ZCWPW2: variants seen among roughly 807,000 people sequenced by gnomAD.
ZCWPW2 encodes zinc finger CW-type and PWWP domain containing 2.
A neutral mutation model predicts 46.6 loss-of-function variants in ZCWPW2; 45 were observed. The ratio of observed to expected loss-of-function variants is 0.96; its 90% CI spans 0.76 to 1.24. ZCWPW2 has a LOEUF of 1.24. Ranked by LOEUF, ZCWPW2 falls within the 50% of genes most tolerant of loss-of-function variation. The pLI is 0.00. For missense variants in ZCWPW2, 429 were observed against 403.9 expected, an observed-to-expected ratio of 1.06 and a Z score of -0.53; for synonymous variants, 152 against 137.1, an observed-to-expected ratio of 1.11 and a Z score of -0.76.
intron 1 of ZCWPW2, among the ~76,000 whole-genome samples, chr3:28,384,421 C>T (rs1695199884): frequency 6.6e-6 from 1 of 152,048 alleles, no homozygotes. Flanking sequence ...TCCCTGCTTT[C>T]CTGAAGCTTT....
intron 1 of ZCWPW2, 68 bp from the exon 2 acceptor site, chr3:28,390,430 T>C (rs1440406580): frequency 1.0e-6 from 1 of 955,760 alleles, no homozygotes; most frequent in South Asian, 4.8e-5. Context: ...CAAATAATTC[T>C]TTATTATTTT....
chr3:28,491,326 A>G (rs1313333383), intron 5 of ZCWPW2, among the ~76,000 whole-genome samples: 1 of 152,138 alleles, frequency 6.6e-6, no homozygotes, highest in Non-Finnish European at 1.5e-5. Flanking sequence ...TCTATATTTT[A>G]TGACAACAGT....
In ZCWPW2 at chr3:28,492,305, GTA is replaced by G. The variant is rs112592041; in HGVS notation, c.657+136_657+137del. On this transcript the variant is annotated intron_variant, in intron 6 of 9. Coordinates refer to ENST00000383768, the MANE Select transcript of ZCWPW2 (RefSeq NM_001040432.4). ...ATTTTTTCTTCTGAATGTTACTTTA[GTA>G]TATGTTTCCTTTCTTAGGTTAATAC... 18 of 749,846 alleles carry G rather than the reference GTA, an allele frequency of 2.4e-5. 1 individual carries two copies. The highest frequency in any genetic ancestry group is 1.6e-4 in the African/African-American group (9 of 54,764). The allele number at this position is 749,846 out of a possible 1,614,324, so 46.4% of individuals were successfully genotyped here.
chr3:28,413,239 A>AC lies in ZCWPW2; in HGVS notation c.171_172insC (p.Trp58LeufsTer8). On this transcript the variant is annotated frameshift_variant, in exon 3 of 10. Coordinates refer to ENST00000383768, the MANE Select transcript of ZCWPW2 (RefSeq NM_001040432.4). LOFTEE classifies it high-confidence loss of function. ...CAGCCAAGGTTGATCATGATGAACCATGGTACTGCTTCATGAACACTGATT... is the reference window on the plus strand; with the variant it reads ...CAGCCAAGGTTGATCATGATGAACCACTGGTACTGCTTCATGAACACTGATT... 1 of 1,613,404 alleles carries AC rather than the reference A, an allele frequency of 6.2e-7. No individual in the cohort carries two copies. Among genetic ancestry groups the AC allele is most frequent in the South Asian group, 1.1e-5 (1 of 91,070 alleles).
chr3:28,428,955 G>T (rs1488443240), intron 3 of ZCWPW2, among the ~76,000 whole-genome samples: 1 of 152,196 alleles, frequency 6.6e-6, no homozygotes, highest in South Asian at 2.1e-4. Flanking sequence ...ACCCAGTCTT[G>T]GGTATTTCTT....
chr3:28,389,993 T>C (rs912144118), intron 1 of ZCWPW2, among the ~76,000 whole-genome samples: 1 of 152,210 alleles, frequency 6.6e-6, no homozygotes, highest in African/African-American at 2.4e-5. Context: ...GAAAACACCT[T>C]CACAGGAATA....
At chr3:28,507,778 G>A (rs1700317950) in intron 6 of ZCWPW2, among the ~76,000 whole-genome samples, 1 of 151,612 alleles carries the variant, frequency 6.6e-6, no homozygotes, top group East Asian at 1.9e-4. Flanking sequence ...ATTATATTAG[G>A]CCTATTATTT....
intron 5 of ZCWPW2, among the ~76,000 whole-genome samples, chr3:28,482,842 G>A (rs913330253): frequency 6.6e-6 from 1 of 151,904 alleles, no homozygotes; most frequent in Non-Finnish European, 1.5e-5. Flanking sequence ...TTTTTCAATC[G>A]GATTGTTCAT....
At chr3:28,363,237 A>C (rs1176907922) in intron 1 of ZCWPW2, among the ~76,000 whole-genome samples, 1 of 152,172 alleles carries the variant, frequency 6.6e-6, no homozygotes, top group Non-Finnish European at 1.5e-5. Context: ...AAAAAAGAAT[A>C]ACAAAATAAC....
chr3:28,430,620 G>A (rs1697216290), intron 3 of ZCWPW2, among the ~76,000 whole-genome samples: 2 of 152,114 alleles, frequency 1.3e-5, no homozygotes. Flanking sequence ...ATATGGTTTG[G>A]CTCTGTGTCC....
chr3:28,476,015 G>A (rs1699227366), intron 4 of ZCWPW2, among the ~76,000 whole-genome samples: 1 of 151,932 alleles, frequency 6.6e-6, no homozygotes, highest in Non-Finnish European at 1.5e-5. Context: ...TCTGGAATAT[G>A]TTGAATCAAT....
At chr3:28,385,934 T>C (rs1242660542) in intron 1 of ZCWPW2, among the ~76,000 whole-genome samples, 6 of 151,886 alleles carry the variant, frequency 4.0e-5, no homozygotes, top group Admixed American at 1.3e-4. Flanking sequence ...TTTTAAGCTT[T>C]TTTTTTTTTG....
At chr3:28,375,394 T>C (rs979918216) in intron 1 of ZCWPW2, among the ~76,000 whole-genome samples, 5 of 152,058 alleles carry the variant, frequency 3.3e-5, no homozygotes, top group African/African-American at 9.7e-5. Flanking sequence ...GTTGCTTGTT[T>C]TCTGGTTGCT....
intron 6 of ZCWPW2, among the ~76,000 whole-genome samples, chr3:28,499,466 A>C (rs957627236): frequency 6.6e-6 from 1 of 152,076 alleles, no homozygotes; most frequent in Non-Finnish European, 1.5e-5. Flanking sequence ...GTGTCTGTTC[A>C]TATCCTTCCA....
intron 4 of ZCWPW2, among the ~76,000 whole-genome samples, chr3:28,469,580 C>A (rs184445795): frequency 6.6e-6 from 1 of 151,844 alleles, no homozygotes; most frequent in Non-Finnish European, 1.5e-5. Context: ...TACTTAATAC[C>A]AGACAATATA....
chr3:28,425,474 G>T (rs115783852), intron 3 of ZCWPW2, among the ~76,000 whole-genome samples: 40 of 152,306 alleles, frequency 2.6e-4, no homozygotes, highest in Admixed American at 1.1e-3. Flanking sequence ...GAAGCTCCAA[G>T]TGGAAAGATT....
intron 3 of ZCWPW2, among the ~76,000 whole-genome samples, chr3:28,417,633 C>T (rs1403680084): frequency 9.3e-5 from 13 of 139,196 alleles, no homozygotes; most frequent in African/African-American, 1.9e-4. Flanking sequence ...ACTGGCAAAC[C>T]GAATCCAGCA....
chr3:28,371,417 T>G (rs557468458), intron 1 of ZCWPW2, among the ~76,000 whole-genome samples: 51 of 151,996 alleles, frequency 3.4e-4, no homozygotes, highest in Admixed American at 3.3e-3. Flanking sequence ...AGAAATCAAG[T>G]GTAGGGGGAT....
In ZCWPW2 at chr3:28,444,203, G is replaced by A. The variant is rs528556425; in HGVS notation, c.492+8934G>A. The stretch of plus-strand genomic sequence containing the variant: ...CAGATTTCTGTTTATATAAATTAGA[G>A]AACTCAAACAGCCCTTCTTGAGTGT... On this transcript the variant is annotated intron_variant, in intron 4 of 9. Transcript: ENST00000383768. Among the ~76,000 whole-genome samples, 6 of 152,188 alleles carry A rather than the reference G, an allele frequency of 3.9e-5. 1 individual carries two copies. The South Asian group carries it at 1.0e-3, about 26-fold the overall frequency.
Sources: allele counts gnomAD v4.1 joint callset (sites outside exome capture counted in the v4.1 genomes callset), GRCh38; gene constraint gnomAD v4.1.1; transcripts MANE v1.5; gene names NCBI Gene and HGNC (gene_info 2026-07-23, HGNC 2026-07-21).